The following NDE1 variants were observed in gnomAD, a reference collection of about 807,000 sequenced individuals.
NDE1 encodes nudE neurodevelopment protein 1.
A neutral mutation model predicts 43.4 loss-of-function variants in NDE1; 28 were observed. That is an observed-to-expected ratio of 0.65 (90% CI 0.48 to 0.89). The LOEUF (loss-of-function observed/expected upper bound fraction) is 0.89. Ranked by LOEUF, NDE1 falls within the 40% of genes least tolerant of loss-of-function variation. The probability of loss-of-function intolerance (pLI) is 0.00; values close to 1 mark genes in which losing one functional copy is unlikely to be tolerated. For missense variants in NDE1, 441 were observed against 434.1 expected (o/e 1.02, Z -0.14); for synonymous variants, 184 against 172.0 (o/e 1.07, Z -0.55).
chr16:15,711,945 G>A (rs1346295696), intron 8 of NDE1, among the ~76,000 whole-genome samples: 2 of 152,146 alleles, frequency 1.3e-5, no homozygotes, highest in African/African-American at 4.8e-5. Context: ...AGCCTGCGTT[G>A]GCCTCCCAAA....
chr16:15,681,239 C>T (rs2038160809), intron 4 of NDE1, among the ~76,000 whole-genome samples: 1 of 89,812 alleles, frequency 1.1e-5, no homozygotes, highest in Non-Finnish European at 2.2e-5. Flanking sequence ...TGTGCCAGCA[C>T]TGTTAAACAC....
In NDE1 at chr16:15,708,953, C is replaced by T. The variant is rs1040957489; in HGVS notation, c.947+12093C>T. 26 of 1,157,862 alleles carry T rather than the reference C, an allele frequency of 2.2e-5. No homozygotes were observed. In the African/African-American group the frequency reaches 3.1e-4, roughly 14 times the overall value. 71.7% of individuals were successfully genotyped at this position (1,157,862 alleles called of 1,614,324 possible). On this transcript the variant is annotated intron_variant, in intron 8 of 8. Coordinates refer to ENST00000396354, the MANE Select transcript of NDE1 (RefSeq NM_017668.3). ...TGCTTCGATTTAATAATTAAAGGCACTCTTTTTTATTTTGAGATAGTCTCT... is the reference window on the plus strand; with the variant it reads ...TGCTTCGATTTAATAATTAAAGGCATTCTTTTTTATTTTGAGATAGTCTCT...
intron 8 of NDE1, among the ~76,000 whole-genome samples, chr16:15,707,139 A>C (rs1250180008): frequency 6.6e-6 from 1 of 152,096 alleles, no homozygotes; most frequent in Non-Finnish European, 1.5e-5. Flanking sequence ...CCCAGGTTCA[A>C]GCGATTCTCC....
chr16:15,717,017 G>T, intron 8 of NDE1: 1 of 1,021,370 alleles, frequency 9.8e-7, no homozygotes, highest in Non-Finnish European at 1.6e-6. Context: ...TGCACTGTAG[G>T]CATCACAGAG....
chr16:15,676,871 G>A lies in NDE1; in HGVS notation c.238-930G>A, dbSNP rs565316284. On this transcript the variant is annotated intron_variant, in intron 3 of 8. Coordinates refer to ENST00000396354, the MANE Select transcript of NDE1 (RefSeq NM_017668.3). ...GAGGCCAGGTCTCACTCTGTGAGCC[G>A]GGCTGGTGACTCTCTTTGTAATACA... 4.5e-4 allele frequency among the ~76,000 whole-genome samples: 69 copies of A among 152,222 alleles called. 1 individual carries two copies. In the South Asian group the frequency reaches 0.01, roughly 22 times the overall value.
intron 8 of NDE1, among the ~76,000 whole-genome samples, chr16:15,710,681 G>A (rs1010077408): frequency 6.6e-6 from 1 of 150,914 alleles, no homozygotes; most frequent in African/African-American, 2.4e-5. Context: ...GAGGGTTTTT[G>A]TTTTTTGTTT....
At chr16:15,708,668 C>T in intron 8 of NDE1, 2 of 912,104 alleles carry the variant, frequency 2.2e-6, no homozygotes, top group South Asian at 2.8e-5. Context: ...CAAAGATATC[C>T]AAGCCTCCAG....
At chr16:15,707,218 G>GGA (rs1047774554) in intron 8 of NDE1, among the ~76,000 whole-genome samples, 2 of 152,080 alleles carry the variant, frequency 1.3e-5, no homozygotes, top group African/African-American at 4.8e-5. Flanking sequence ...TGTATTTTTA[G>GGA]GAGAGACGGG....
chr16:15,694,125 T>C (rs1291556276), intron 6 of NDE1, 40 bp from the exon 7 acceptor site: 2 of 1,608,940 alleles, frequency 1.2e-6, no homozygotes, highest in Non-Finnish European at 1.7e-6. Context: ...GACATGACTA[T>C]AGGTTGGTGA....
chr16:15,658,292 T>G (rs541696352), intron 1 of NDE1, among the ~76,000 whole-genome samples: 13 of 152,256 alleles, frequency 8.5e-5, no homozygotes, highest in Non-Finnish European at 1.9e-4. Flanking sequence ...CCTCACTGGC[T>G]TAGTATGGGT....
chr16:15,694,712 G>GATA, intron 7 of NDE1: 1 of 985,342 alleles, frequency 1.0e-6, no homozygotes, highest in Non-Finnish European at 1.2e-6. Flanking sequence ...GGAATCATTA[G>GATA]AGCTTCCTGT....
At chr16:15,715,156 G>A (rs1324038481) in intron 8 of NDE1, 3 of 1,613,354 alleles carry the variant, frequency 1.9e-6, no homozygotes, top group Non-Finnish European at 2.5e-6. Context: ...CTGGGTGGCA[G>A]GGGCTACCTG....
At chr16:15,681,168 G>A (rs759690049) in intron 4 of NDE1, among the ~76,000 whole-genome samples, 8 of 116,588 alleles carry the variant, frequency 6.9e-5, no homozygotes, top group Non-Finnish European at 1.2e-4. Flanking sequence ...ATTTATTTTT[G>A]TATCTAGTAT....
chr16:15,691,387 G>A (rs2038746459), intron 6 of NDE1, 64 bp downstream of exon 6: 2 of 1,551,134 alleles, frequency 1.3e-6, no homozygotes. Context: ...AAGAATCTGG[G>A]GTGGGTCCTG....
intron 1 of NDE1, among the ~76,000 whole-genome samples, chr16:15,657,102 GTT>G (rs542672912): frequency 1.4e-5 from 2 of 142,254 alleles, no homozygotes; most frequent in African/African-American, 2.6e-5. Flanking sequence ...GTCTTTTTTT[GTT>G]TTTTTTTTTT....
At position 15,667,404 on chromosome 16, in the gene NDE1, A is replaced by G. The variant is rs975511829; in HGVS notation, c.202A>G (p.Asn68Asp). The change falls in exon 3 of 9, where the codon AAT (asparagine) becomes GAT (aspartate). Residue 68 changes from asparagine (N) to aspartate (D), a missense_variant. Transcript: ENST00000396354. ...CAGGAACAGAGACCTCCTGTCCGAA[A>G]ATAACCGCCTTCGCATGGAGCTGGA... ...ETRNRDLLSE[N>D]NRLRMELETI... The G allele has an allele frequency of 6.2e-7, 1 of 1,613,912 alleles. No individual in the cohort carries two copies. The highest frequency in any genetic ancestry group is 8.5e-7 in the Non-Finnish European group (1 of 1,179,886).
chr16:15,670,223 C>T (rs2037520502), intron 3 of NDE1, among the ~76,000 whole-genome samples: 2 of 152,132 alleles, frequency 1.3e-5, no homozygotes, highest in South Asian at 4.1e-4. Context: ...AGAGTCAAAA[C>T]TGTGTGTGCC....
chr16:15,696,581 C>T (rs1364196369), intron 7 of NDE1, 128 bp from the exon 8 acceptor site: 1 of 1,549,488 alleles, frequency 6.5e-7, no homozygotes, highest in African/African-American at 1.4e-5. Flanking sequence ...TCTTGGGGTC[C>T]CACCTTGGAA....
chr16:15,719,475 G>A, intron 8 of NDE1: 2 of 1,554,744 alleles, frequency 1.3e-6, no homozygotes, highest in Non-Finnish European at 1.8e-6. Context: ...CTAGACAGGT[G>A]GACCCCAGAG....
Sources: allele counts gnomAD v4.1 joint callset (sites outside exome capture counted in the v4.1 genomes callset), GRCh38; gene constraint gnomAD v4.1.1; transcripts MANE v1.5; gene names NCBI Gene and HGNC (gene_info 2026-07-23, HGNC 2026-07-21).